DPP3: variants seen among roughly 807,000 people sequenced by gnomAD.
The protein encoded by DPP3 is dipeptidyl peptidase 3, also known as DPP III.
In DPP3, 64 loss-of-function variants were observed where a neutral mutation model predicts 89.8. The ratio of observed to expected loss-of-function variants is 0.71; its 90% CI spans 0.58 to 0.88. The LOEUF (loss-of-function observed/expected upper bound fraction) is 0.88, where lower values mean the gene tolerates loss of function less well. DPP3 is among the 40% of genes least tolerant of loss of function. The pLI is 0.00. For missense variants in DPP3, 835 were observed against 972.5 expected (o/e 0.86, Z 1.88); for synonymous variants, 377 against 404.3 (o/e 0.93, Z 0.81).
chr11:66,492,276 G>A (rs180781423), intron 9 of DPP3, among the ~76,000 whole-genome samples: 43 of 152,242 alleles, frequency 2.8e-4, no homozygotes, highest in African/African-American at 9.4e-4. Context: ...GTGGCAGGCT[G>A]CCGCGGCCCC....
chr11:66,492,963 C>G, intron 10 of DPP3, 53 bp downstream of exon 10: 4 of 1,597,990 alleles, frequency 2.5e-6, no homozygotes, highest in Non-Finnish European at 3.4e-6. Context: ...TTTAGAGTCG[C>G]CCCTCCCTGT....
chr11:66,487,221 T>C lies in DPP3; in HGVS notation c.499-47T>C, dbSNP rs899999063. ...TGGGAATATGACGTCCCTGCAGCCC[T>C]GACCTTGGCAACTCCTCTTTCTCAT... On this transcript the variant is annotated intron_variant, in intron 4 of 17. Transcript: ENST00000531863. The C allele has an allele frequency of 1.9e-6, 3 of 1,593,990 alleles. No individual in the cohort carries two copies. The African/African-American group carries it at 4.0e-5, about 21-fold the overall frequency.
At chr11:66,483,661 A>G (rs1855148157) in intron 2 of DPP3, among the ~76,000 whole-genome samples, 1 of 152,208 alleles carries the variant, frequency 6.6e-6, no homozygotes, top group East Asian at 1.9e-4. Flanking sequence ...AGGAGGATCT[A>G]TTTCTAGAAG....
At chr11:66,504,972 C>T (rs987869463) in intron 17 of DPP3, among the ~76,000 whole-genome samples, 198 bp downstream of exon 17, 2 of 152,124 alleles carry the variant, frequency 1.3e-5, no homozygotes, top group Admixed American at 6.6e-5. Context: ...ACCACCCCCC[C>T]GACACACACA....
At chr11:66,497,530 C>T in intron 16 of DPP3, 53 bp downstream of exon 16, 1 of 1,566,498 alleles carries the variant, frequency 6.4e-7, no homozygotes, top group African/African-American at 1.4e-5. Context: ...TCCAGGGGCA[C>T]TGAGTGTTAC....
At position 66,497,384 on chromosome 11, in the gene DPP3, C is replaced by T. The variant is rs1161254210; in HGVS notation, c.1785C>T (p.Ser595=). The T allele has an allele frequency of 1.9e-6, 3 of 1,614,038 alleles. No individual in the cohort carries two copies. Among genetic ancestry groups the T allele is most frequent in the Non-Finnish European group, 2.5e-6 (3 of 1,179,972 alleles). ...GLVTITPTTG[S]DGRPDARVRL... ...TTACCATCACTCCCACCACAGGCTC[C>T]GATGGGCGCCCAGATGCCCGGGTCC... is the stretch of plus-strand genomic sequence containing the variant. The change falls in exon 16 of 18, where the codon TCC becomes TCT. Residue 595 remains serine (S), a synonymous_variant. Coordinates refer to ENST00000531863, the MANE Select transcript of DPP3 (RefSeq NM_130443.4).
intron 12 of DPP3, 31 bp downstream of exon 12, chr11:66,493,664 C>A: frequency 1.3e-6 from 2 of 1,577,462 alleles, no homozygotes; most frequent in South Asian, 1.1e-5. Flanking sequence ...CCTGGCACCC[C>A]AGCCTACAGC....
At chr11:66,488,565 GAAAAAAAAA>G (rs1040646975) in intron 6 of DPP3, among the ~76,000 whole-genome samples, 9 of 104,418 alleles carry the variant, frequency 8.6e-5, no homozygotes, top group African/African-American at 2.2e-4. Context: ...CCAGATCAAG[GAAAAAAAAA>G]AAAAAAAAAA....
chr11:66,507,574 G>A (rs890845464), intron 17 of DPP3, among the ~76,000 whole-genome samples: 8 of 151,988 alleles, frequency 5.3e-5, no homozygotes, highest in African/African-American at 1.5e-4. Context: ...AGGGAAGATC[G>A]CATCCATCTT....
intron 14 of DPP3, 26 bp from the exon 15 acceptor site, chr11:66,495,604 C>G (rs200745654): frequency 2.2e-5 from 35 of 1,613,950 alleles, no homozygotes; most frequent in Non-Finnish European, 2.9e-5. Context: ...TCTGACCATC[C>G]TGCCACCTGC....
chr11:66,495,184 T>C (rs780222804), intron 12 of DPP3, 22 bp from the exon 13 acceptor site: 2 of 1,612,040 alleles, frequency 1.2e-6, no homozygotes, highest in African/African-American at 2.7e-5. Flanking sequence ...CGCCTTTCCC[T>C]CACCCACCGT....
At chr11:66,487,203 A>C in intron 4 of DPP3, 65 bp from the exon 5 acceptor site, 1 of 1,518,662 alleles carries the variant, frequency 6.6e-7, no homozygotes, top group Non-Finnish European at 9.1e-7. Flanking sequence ...GCCTGGGAAT[A>C]TGACGTCCCT....
intron 3 of DPP3, 27 bp from the exon 4 acceptor site, chr11:66,486,513 G>A: frequency 6.8e-7 from 1 of 1,479,546 alleles, no homozygotes; most frequent in Non-Finnish European, 9.0e-7. Context: ...TGGTGTGACT[G>A]GGCCATTGGC....
At chr11:66,496,366 C>T (rs1486073980) in intron 15 of DPP3, among the ~76,000 whole-genome samples, 2 of 152,114 alleles carry the variant, frequency 1.3e-5, no homozygotes, top group Non-Finnish European at 2.9e-5. Context: ...GCCTCAGCCT[C>T]CCGAGTAGCT....
At chr11:66,480,946 G>C (rs1855061123) in intron 1 of DPP3, 1 of 155,628 alleles carries the variant, frequency 6.4e-6, no homozygotes, top group South Asian at 1.9e-4. Flanking sequence ...GATGAGAATG[G>C]GACAGTTTCA....
intron 17 of DPP3, among the ~76,000 whole-genome samples, chr11:66,508,475 A>G (rs1855858259): frequency 6.6e-6 from 1 of 152,072 alleles, no homozygotes; most frequent in Non-Finnish European, 1.5e-5. Context: ...GACACCAAGG[A>G]CTGTATCTGT....
In DPP3 at chr11:66,493,051, T is replaced by C; in HGVS notation, c.1184-16T>C. 1.9e-6 allele frequency: 3 copies of C among 1,613,876 alleles called. No individual in the cohort carries two copies. The Admixed American group carries it at 5.0e-5, about 27-fold the overall frequency. On this transcript the variant is annotated splice_polypyrimidine_tract_variant and intron_variant, in intron 10 of 17. Coordinates refer to ENST00000531863, the MANE Select transcript of DPP3 (RefSeq NM_130443.4). ...ACCCTCACCTCTTCTTTCTGGTCCT[T>C]CTCCACCTTCTCCAGACGATGATCT...
rs573286042 is a variant in DPP3, at chr11:66,495,093, G to A, written c.1390-113G>A. 8.5e-5 allele frequency: 127 copies of A among 1,497,654 alleles called. 2 individuals are homozygous for A. The South Asian group carries it at 1.3e-3, about 16-fold the overall frequency. 92.8% of individuals were successfully genotyped at this position (1,497,654 alleles called of 1,614,324 possible). A position where few individuals can be genotyped will look rare whatever the true frequency, so the allele number is the denominator to read the frequency against. On this transcript the variant is annotated intron_variant, in intron 12 of 17. Coordinates refer to ENST00000531863, the MANE Select transcript of DPP3 (RefSeq NM_130443.4). ...GACAGACCTGCTGCTCCCGCCGCCC[G>A]CTCCTGCGCTCCCGCTTGCCTTCCT...
chr11:66,508,902 C>T (rs1488845988), intron 17 of DPP3, among the ~76,000 whole-genome samples, 177 bp from the exon 18 acceptor site: 1 of 152,178 alleles, frequency 6.6e-6, no homozygotes, highest in African/African-American at 2.4e-5. Flanking sequence ...TCCTTCCTCA[C>T]AGGGTTACTG....
Sources: allele counts gnomAD v4.1 joint callset (sites outside exome capture counted in the v4.1 genomes callset), GRCh38; gene constraint gnomAD v4.1.1; transcripts MANE v1.5; gene names NCBI Gene and HGNC (gene_info 2026-07-23, HGNC 2026-07-21).